Variants in ANKIB1 observed in about 807,000 individuals in gnomAD.
ANKIB1 encodes the protein ankyrin repeat and IBR domain containing 1, also known as ankyrin repeat and IBR domain-containing protein 1.
ANKIB1 carries 43 observed loss-of-function variants against 122.1 expected under a neutral mutation model. The ratio of observed to expected loss-of-function variants is 0.35; its 90% CI spans 0.28 to 0.45. ANKIB1 has a LOEUF of 0.45. ANKIB1 is among the 20% of genes least tolerant of loss of function. The pLI is 1.00. For missense variants in ANKIB1, 992 were observed against 1,329.5 expected, an observed-to-expected ratio of 0.75 and a Z score of 3.95; for synonymous variants, 390 against 442.0, an observed-to-expected ratio of 0.88 and a Z score of 1.48.
chr7:92,269,846 T>C (rs1585080323), intron 1 of ANKIB1, among the ~76,000 whole-genome samples: 1 of 151,978 alleles, frequency 6.6e-6, no homozygotes, highest in Non-Finnish European at 1.5e-5. Context: ...GTGTACAGCG[T>C]GCAGGTTTGA....
chr7:92,387,469 C>G (rs936085696), intron 12 of ANKIB1, among the ~76,000 whole-genome samples: 4 of 151,924 alleles, frequency 2.6e-5, no homozygotes, highest in African/African-American at 9.7e-5. Context: ...AACCCCATCT[C>G]TACTAAAAAT....
In ANKIB1 at chr7:92,352,602, G is replaced by T; in HGVS notation, c.1357G>T (p.Ala453Ser). The T allele has an allele frequency of 6.2e-7, 1 of 1,612,674 alleles. No individual in the cohort carries two copies. Among genetic ancestry groups the T allele is most frequent in the Non-Finnish European group, 8.5e-7 (1 of 1,179,638 alleles). The change falls in exon 9 of 20, where the codon GCT becomes TCT. Residue 453 changes from alanine (A) to serine (S), a missense_variant. Coordinates refer to ENST00000265742, the MANE Select transcript of ANKIB1 (RefSeq NM_019004.2). ...SDTLSFPLLR[A>S]PAVDCGKGHL... is the part of the protein sequence containing the mutation. ...TACACTCAGCTTCCCATTGCTGAGA[G>T]CTCCTGCTGTTGATTGTGGAAAAGG... is the stretch of plus-strand genomic sequence containing the variant.
rs554769814 is a variant in ANKIB1, at chr7:92,393,830, A to G, written c.2283+1538A>G. On this transcript the variant is annotated intron_variant, in intron 17 of 19. Coordinates refer to ENST00000265742, the MANE Select transcript of ANKIB1 (RefSeq NM_019004.2). Reference sequence around the variant, plus strand: ...ATTACTGCACATTGTGAGACTTTCAAATTCTGCATGTGTATGACTATCGAG... The same window carrying G: ...ATTACTGCACATTGTGAGACTTTCAGATTCTGCATGTGTATGACTATCGAG... Among the ~76,000 whole-genome samples, 8 of 152,300 alleles carry G rather than the reference A, an allele frequency of 5.3e-5. No individual in the cohort carries two copies. The South Asian group carries it at 6.2e-4, about 12-fold the overall frequency.
chr7:92,273,339 T>C (rs1221649160), intron 1 of ANKIB1, among the ~76,000 whole-genome samples: 1 of 152,246 alleles, frequency 6.6e-6, no homozygotes, highest in East Asian at 1.9e-4. Flanking sequence ...AATGACATCA[T>C]AAAGAATTAG....
intron 2 of ANKIB1, among the ~76,000 whole-genome samples, chr7:92,305,919 C>G (rs919065088): frequency 6.6e-6 from 1 of 152,102 alleles, no homozygotes; most frequent in Non-Finnish European, 1.5e-5. Flanking sequence ...GGATGATCCT[C>G]GAGACCATGG....
At chr7:92,260,198 T>C (rs2131880713) in intron 1 of ANKIB1, among the ~76,000 whole-genome samples, 1 of 152,310 alleles carries the variant, frequency 6.6e-6, no homozygotes, top group Admixed American at 6.5e-5. Flanking sequence ...CCTGCCCCTA[T>C]TCTCTTGAGT....
intron 9 of ANKIB1, among the ~76,000 whole-genome samples, chr7:92,358,377 C>T (rs1244315706): frequency 6.6e-6 from 1 of 152,128 alleles, no homozygotes; most frequent in Non-Finnish European, 1.5e-5. Flanking sequence ...AGTTATAACA[C>T]CCTGAAGTGG....
At chr7:92,390,210 A>G in intron 15 of ANKIB1, 94 bp downstream of exon 15, 2 of 897,498 alleles carry the variant, frequency 2.2e-6, no homozygotes, top group Non-Finnish European at 3.2e-6. Flanking sequence ...TAATGTGGAC[A>G]TGATTACTAA....
intron 16 of ANKIB1, among the ~76,000 whole-genome samples, chr7:92,391,796 C>G (rs537053468): frequency 2.9e-4 from 44 of 152,136 alleles, no homozygotes; most frequent in Non-Finnish European, 5.0e-4. Context: ...AAGTGATAAA[C>G]CCATCCACTA....
At chr7:92,264,329 C>A (rs1281510062) in intron 1 of ANKIB1, among the ~76,000 whole-genome samples, 2 of 151,630 alleles carry the variant, frequency 1.3e-5, no homozygotes, top group African/African-American at 4.8e-5. Context: ...TTAATGTTAA[C>A]CATAGTAACA....
chr7:92,308,633 T>C (rs2131937072), intron 3 of ANKIB1, among the ~76,000 whole-genome samples: 1 of 152,244 alleles, frequency 6.6e-6, no homozygotes, highest in South Asian at 2.1e-4. Context: ...TATATAGCAT[T>C]ATTTATATCT....
At chr7:92,387,666 T>A in intron 12 of ANKIB1, 132 bp from the exon 13 acceptor site, 1 of 653,786 alleles carries the variant, frequency 1.5e-6, no homozygotes, top group Non-Finnish European at 2.6e-6. Context: ...TGTTTTTCTG[T>A]CAAGAAAATA....
At position 92,338,962 on chromosome 7, in the gene ANKIB1, ATATATATATT is replaced by A. The variant is rs201561696; in HGVS notation, c.788-4056_788-4047del. On this transcript the variant is annotated intron_variant, in intron 5 of 19. Coordinates refer to ENST00000265742, the MANE Select transcript of ANKIB1 (RefSeq NM_019004.2). ...TATATATATATATATATATATATATATATATATATTTATATGAATCTTCCTTTTTTCTTTA... is the reference window on the plus strand; with the variant it reads ...TATATATATATATATATATATATATATATATGAATCTTCCTTTTTTCTTTA... Among the ~76,000 whole-genome samples, 432 of 104,610 alleles carry A rather than the reference ATATATATATT, an allele frequency of 4.1e-3. 6 individuals are homozygous for A. The highest frequency in any genetic ancestry group is 0.014 in the East Asian group (39 of 2,762). The allele number at this position is 104,610 out of a possible 152,430, so 68.6% of individuals were successfully genotyped here. A position where few individuals can be genotyped will look rare whatever the true frequency, so the allele number is the denominator to read the frequency against.
At chr7:92,347,817 G>C (rs947499789) in intron 7 of ANKIB1, 8 of 228,872 alleles carry the variant, frequency 3.5e-5, no homozygotes, top group Non-Finnish European at 6.1e-5. Context: ...CTATAAAGTG[G>C]TGATAATAGT....
intron 10 of ANKIB1, among the ~76,000 whole-genome samples, chr7:92,368,074 T>G (rs1049936806): frequency 6.6e-5 from 10 of 152,102 alleles, no homozygotes; most frequent in Admixed American, 2.0e-4. Flanking sequence ...GAGGATCTCT[T>G]GAGCCCAGAA....
At position 92,397,810 on chromosome 7, in the gene ANKIB1, T is replaced by A; in HGVS notation, c.2483T>A (p.Leu828Gln). The A allele has an allele frequency of 6.2e-7, 1 of 1,606,964 alleles. No homozygotes were observed. Among genetic ancestry groups the A allele is most frequent in the Non-Finnish European group, 8.5e-7 (1 of 1,177,954 alleles). Reference protein sequence around the residue: ...ASMSVLHSSSLRDYTPASRSE... With the variant: ...ASMSVLHSSSQRDYTPASRSE... ...ATGAGTGTGCTGCACAGCTCTTCCC[T>A]GCGTGACTACACCCCTGCCAGTCGC... Residue 828 changes from leucine to glutamine, a missense_variant, in exon 19 of 20, where the codon CTG becomes CAG. Transcript: ENST00000265742.
At chr7:92,298,476 CA>C (rs1336048129) in intron 2 of ANKIB1, among the ~76,000 whole-genome samples, 1 of 151,874 alleles carries the variant, frequency 6.6e-6, no homozygotes, top group African/African-American at 2.4e-5. Flanking sequence ...GTAGAGTTTA[CA>C]AATATACTTT....
At chr7:92,354,948 A>G (rs1390030288) in intron 9 of ANKIB1, among the ~76,000 whole-genome samples, 1 of 152,252 alleles carries the variant, frequency 6.6e-6, no homozygotes, top group Non-Finnish European at 1.5e-5. Flanking sequence ...ACAAACGACA[A>G]TAATAATTTC....
At chr7:92,383,789 G>A (rs1804573599) in intron 11 of ANKIB1, among the ~76,000 whole-genome samples, 1 of 152,172 alleles carries the variant, frequency 6.6e-6, no homozygotes, top group South Asian at 2.1e-4. Context: ...GTATGATACT[G>A]AACGGGCAAA....
Sources: gnomAD v4.1 joint callset for allele counts (sites outside exome capture counted in the v4.1 genomes callset) on GRCh38, gnomAD v4.1.1 for gene constraint, MANE v1.5 for transcripts, NCBI Gene and HGNC (gene_info 2026-07-23, HGNC 2026-07-21) for gene names.